Variants in HS3ST5 observed in about 807,000 individuals in gnomAD.
The protein encoded by HS3ST5 is heparan sulfate-glucosamine 3-sulfotransferase 5.
HS3ST5 carries 10 observed loss-of-function variants against 25.4 expected under a neutral mutation model. That is an observed-to-expected ratio of 0.39 (90% confidence interval 0.24 to 0.67). The LOEUF (loss-of-function observed/expected upper bound fraction) is 0.67, where lower values mean the gene tolerates loss of function less well. HS3ST5 is among the 30% of genes least tolerant of loss of function. The pLI is 0.44. For missense variants in HS3ST5, 324 were observed against 420.7 expected (o/e 0.77, Z 2.01); for synonymous variants, 170 against 162.4 (o/e 1.05, Z -0.36).
chr6:114,301,312 C>T (rs182654485), intron 1 of HS3ST5, among the ~76,000 whole-genome samples: 1 of 152,124 alleles, frequency 6.6e-6, no homozygotes, highest in Non-Finnish European at 1.5e-5. Flanking sequence ...TAATTTATTT[C>T]TAAAGGTCAT....
intron 3 of HS3ST5, among the ~76,000 whole-genome samples, chr6:114,141,120 AT>A (rs1255377903): frequency 2.0e-5 from 3 of 152,214 alleles, no homozygotes. Flanking sequence ...TCATTAAAAT[AT>A]ACTTAACTTT....
At chr6:114,119,611 G>C (rs1323567729) in intron 3 of HS3ST5, among the ~76,000 whole-genome samples, 2 of 152,150 alleles carry the variant, frequency 1.3e-5, no homozygotes, top group Non-Finnish European at 2.9e-5. Flanking sequence ...TTAGAGAAGA[G>C]ATATTTGTGA....
In HS3ST5 at chr6:114,340,764, T is replaced by A. The variant is rs539815888; in HGVS notation, c.-339+1431A>T. On this transcript the variant is annotated intron_variant, in intron 1 of 4. Transcript: ENST00000312719. The stretch of plus-strand genomic sequence containing the variant: ...TCATTTTTGATATTCATATTTGTAA[T>A]CCCCTTTTATTATCTTCAACTTTTT... 9 of 152,336 alleles carry A rather than the reference T, an allele frequency of 5.9e-5. No individual in the cohort carries two copies. In the South Asian group the frequency reaches 1.7e-3, roughly 28 times the overall value. 9.4% of individuals were successfully genotyped at this position (152,336 alleles called of 1,614,324 possible). A position where few individuals can be genotyped will look rare whatever the true frequency, so the allele number is the denominator to read the frequency against.
rs143039973 is a variant in HS3ST5 at position 114,339,660 on chromosome 6, C to T, written c.-339+2535G>A. On this transcript the variant is annotated intron_variant, in intron 1 of 4. Coordinates refer to ENST00000312719, the MANE Select transcript of HS3ST5 (RefSeq NM_153612.4). The stretch of plus-strand genomic sequence containing the variant: ...GGCATTACTCCATAGAAATCACACA[C>T]AGAAAGCCAGAGCTAGAAATCATAC... 1.1e-3 allele frequency among the ~76,000 whole-genome samples: 175 copies of T among 152,234 alleles called. 2 individuals are homozygous for T. The highest frequency in any genetic ancestry group is 4.1e-3 in the African/African-American group (171 of 41,552).
intron 4 of HS3ST5, chr6:114,059,246 T>G (rs1772951869): frequency 6.6e-6 from 1 of 152,206 alleles, no homozygotes; most frequent in African/African-American, 2.4e-5. Flanking sequence ...ATAATTCCCC[T>G]AAGTTGATCT....
intron 2 of HS3ST5, among the ~76,000 whole-genome samples, chr6:114,182,686 T>C (rs1231936039): frequency 6.6e-6 from 1 of 152,178 alleles, no homozygotes; most frequent in Non-Finnish European, 1.5e-5. Flanking sequence ...TACATGTGGT[T>C]ACAGGGGCTA....
chr6:114,188,151 C>T (rs1014067732), intron 2 of HS3ST5, among the ~76,000 whole-genome samples: 2 of 152,062 alleles, frequency 1.3e-5, no homozygotes, highest in African/African-American at 2.4e-5. Context: ...TATGGCAGCC[C>T]GAGCTAACTA....
intron 3 of HS3ST5, among the ~76,000 whole-genome samples, chr6:114,148,816 G>C (rs962570710): frequency 6.6e-6 from 1 of 152,086 alleles, no homozygotes; most frequent in African/African-American, 2.4e-5. Context: ...CCTATAGAAT[G>C]GGAGAAAATT....
chr6:114,294,570 C>A (rs891603429), intron 1 of HS3ST5, among the ~76,000 whole-genome samples: 2 of 151,844 alleles, frequency 1.3e-5, no homozygotes, highest in African/African-American at 4.8e-5. Flanking sequence ...CTCAGCCTCC[C>A]GAGTAGCTGG....
intron 1 of HS3ST5, among the ~76,000 whole-genome samples, chr6:114,305,888 T>A (rs1209678264): frequency 6.6e-6 from 1 of 152,052 alleles, no homozygotes; most frequent in Non-Finnish European, 1.5e-5. Context: ...ACTAGAAGAT[T>A]TCAGGGGTCC....
chr6:114,235,420 C>A, intron 1 of HS3ST5, among the ~76,000 whole-genome samples: 1 of 151,602 alleles, frequency 6.6e-6, no homozygotes, highest in Non-Finnish European at 1.5e-5. Context: ...CATTGTAACC[C>A]CTAGATGATC....
At chr6:114,142,893 T>G (rs1777978716) in intron 3 of HS3ST5, 2 of 152,222 alleles carry the variant, frequency 1.3e-5, no homozygotes, top group Admixed American at 1.3e-4. Context: ...ATTCCTGCCT[T>G]AGTACCACAG....
chr6:114,306,256 T>TATATATACACAC (rs756494412), intron 1 of HS3ST5, among the ~76,000 whole-genome samples: 2 of 115,404 alleles, frequency 1.7e-5, no homozygotes, highest in African/African-American at 6.0e-5. Flanking sequence ...TATATATATA[T>TATATATACACAC]ACACACACAC....
intron 1 of HS3ST5, among the ~76,000 whole-genome samples, chr6:114,260,938 T>A (rs2882104): frequency 6.6e-6 from 1 of 151,724 alleles, no homozygotes; most frequent in Non-Finnish European, 1.5e-5. Flanking sequence ...CATTAGTGCA[T>A]CTCCACTCTA....
intron 3 of HS3ST5, among the ~76,000 whole-genome samples, chr6:114,135,967 C>T (rs193266413): frequency 6.6e-6 from 1 of 152,172 alleles, no homozygotes; most frequent in Non-Finnish European, 1.5e-5. Context: ...TGTTAGAATC[C>T]CATACCAGGA....
chr6:114,291,160 T>G (rs1249521079), intron 1 of HS3ST5, among the ~76,000 whole-genome samples: 2 of 152,126 alleles, frequency 1.3e-5, no homozygotes, highest in Non-Finnish European at 2.9e-5. Context: ...TCAGTCCCGC[T>G]TGCCCAGCCA....
intron 2 of HS3ST5, among the ~76,000 whole-genome samples, chr6:114,179,654 G>GTTTT (rs5879251): frequency 1.1e-5 from 1 of 91,630 alleles, no homozygotes. Context: ...ATTAGTCAGG[G>GTTTT]TTTTTTTTTT....
In HS3ST5 at chr6:114,309,646, A is replaced by G. The variant is rs578226578; in HGVS notation, c.-339+32549T>C. Among the ~76,000 whole-genome samples the G allele has an allele frequency of 6.6e-4, 100 of 152,248 alleles. 1 individual carries two copies. Among genetic ancestry groups the G allele is most frequent in the African/African-American group, 2.3e-3 (97 of 41,554 alleles). The stretch of plus-strand genomic sequence containing the variant: ...TACTCAGTAGGCTGAGACAGGAGAA[A>G]TGCTTGAACCCAGAAGGCGGAGGTT... On this transcript the variant is annotated intron_variant, in intron 1 of 4. Transcript: ENST00000312719.
intron 2 of HS3ST5, among the ~76,000 whole-genome samples, chr6:114,184,027 T>TGAGAA (rs1780086058): frequency 6.6e-6 from 1 of 151,244 alleles, no homozygotes; most frequent in African/African-American, 2.4e-5. Context: ...GATATTTAGC[T>TGAGAA]GAGAAGATTT....
Sources: allele counts gnomAD v4.1 joint callset (sites outside exome capture counted in the v4.1 genomes callset), GRCh38; gene constraint gnomAD v4.1.1; transcripts MANE v1.5; gene names NCBI Gene and HGNC (gene_info 2026-07-23, HGNC 2026-07-21).